The following ATAD2 variants were observed in gnomAD, a reference collection of about 807,000 sequenced individuals.
The protein encoded by ATAD2 is ATPase family AAA domain-containing protein 2.
Under a neutral mutation model 168.9 loss-of-function variants are expected in ATAD2, and 62 were observed. The observed-to-expected ratio is 0.37, with a 90% CI of 0.30 to 0.45. The LOEUF (loss-of-function observed/expected upper bound fraction) is 0.45. Among genes scored for constraint, ATAD2 ranks in the 20% least tolerant of loss-of-function variants. The probability of loss-of-function intolerance (pLI) is 1.00; values close to 1 mark genes in which losing one functional copy is unlikely to be tolerated. For missense variants in ATAD2, 1,419 were observed against 1,667.8 expected (o/e 0.85, Z 2.60); for synonymous variants, 613 against 571.6 (o/e 1.07, Z -1.03).
At chr8:123,415,565 A>C (rs1019982285) in intron 1 of ATAD2, among the ~76,000 whole-genome samples, 1 of 152,130 alleles carries the variant, frequency 6.6e-6, no homozygotes, top group Middle Eastern at 3.4e-3. Context: ...AAAGTCCCTG[A>C]TATTAATATC....
At chr8:123,322,225 C>G (rs1196857520) in intron 27 of ATAD2, among the ~76,000 whole-genome samples, 1 of 152,138 alleles carries the variant, frequency 6.6e-6, no homozygotes, top group African/African-American at 2.4e-5. Flanking sequence ...TGGGCTCAAG[C>G]AATCCACCCG....
At chr8:123,383,880 G>A (rs149077410) in intron 1 of ATAD2, among the ~76,000 whole-genome samples, 3 of 151,956 alleles carry the variant, frequency 2.0e-5, no homozygotes, top group African/African-American at 7.2e-5. Context: ...TCAAGAGATA[G>A]AGACCATTGT....
chr8:123,367,576 T>C (rs1318926573), intron 8 of ATAD2, among the ~76,000 whole-genome samples: 1 of 152,096 alleles, frequency 6.6e-6, no homozygotes, highest in Non-Finnish European at 1.5e-5. Context: ...CACTATACCT[T>C]CCTCTCCTTT....
intron 1 of ATAD2, among the ~76,000 whole-genome samples, chr8:123,411,652 C>A (rs755877860): frequency 1.1e-4 from 16 of 152,136 alleles, no homozygotes; most frequent in Non-Finnish European, 1.9e-4. Context: ...GGACAAGGAT[C>A]GGGATATAAA....
intron 8 of ATAD2, among the ~76,000 whole-genome samples, chr8:123,363,317 T>C (rs748406936): frequency 6.6e-6 from 1 of 152,250 alleles, no homozygotes; most frequent in Non-Finnish European, 1.5e-5. Flanking sequence ...ATTATTCATA[T>C]GTTTTACTAC....
At chr8:123,407,835 G>A (rs552650294) in intron 1 of ATAD2, among the ~76,000 whole-genome samples, 14 of 147,064 alleles carry the variant, frequency 9.5e-5, no homozygotes, top group African/African-American at 3.3e-4. Context: ...CTTGGGTGAC[G>A]GAGTGAGACT....
intron 1 of ATAD2, among the ~76,000 whole-genome samples, chr8:123,385,307 AAG>A (rs1294480919): frequency 6.1e-5 from 9 of 148,662 alleles, no homozygotes; most frequent in Admixed American, 2.6e-4. Flanking sequence ...TGCAAATTAA[AAG>A]AGAGAAAAAA....
intron 20 of ATAD2, among the ~76,000 whole-genome samples, chr8:123,338,745 A>C (rs1316378850): frequency 1.3e-5 from 2 of 152,180 alleles, no homozygotes; most frequent in Admixed American, 1.3e-4. Context: ...TAAAAGGACA[A>C]GTATTTAGCC....
At chr8:123,401,612 T>TACA in intron 1 of ATAD2, 2 of 1,119,444 alleles carry the variant, frequency 1.8e-6, no homozygotes, top group Non-Finnish European at 2.7e-6. Flanking sequence ...GCACTGTGTG[T>TACA]ACAAGGTGGC....
chr8:123,383,071 C>G (rs1035483149), intron 1 of ATAD2, among the ~76,000 whole-genome samples: 1 of 152,154 alleles, frequency 6.6e-6, no homozygotes, highest in African/African-American at 2.4e-5. Context: ...TGGAAGCCAT[C>G]ATTCTCAGCA....
At chr8:123,394,551 C>A (rs545064011) in intron 1 of ATAD2, among the ~76,000 whole-genome samples, 7 of 152,170 alleles carry the variant, frequency 4.6e-5, no homozygotes, top group African/African-American at 1.7e-4. Flanking sequence ...ACTGCTTGAA[C>A]CCGGGAGGTG....
rs1431054196 is a variant in ATAD2 at position 123,347,212 on chromosome 8, C to G, written c.2092G>C (p.Gly698Arg). The change falls in exon 16 of 28, where the codon GGG (glycine) becomes CGG (arginine). Residue 698 changes from glycine (G) to arginine (R), a missense_variant. Physicochemically the swap from Gly to Arg is moderately radical, Grantham distance 125. Coordinates refer to ENST00000287394, the MANE Select transcript of ATAD2 (RefSeq NM_014109.4). ...TTCACAACGGTGGACAGTGCCTGCC[C>G]AGGTGATGTCACAGCTCTTTGGGAG... ...PASQRAVTSP[G>R]QALSTVVKPL... 1.2e-6 allele frequency: 2 copies of G among 1,614,024 alleles called. No individual in the cohort carries two copies. The highest frequency in any genetic ancestry group is 1.7e-6 in the Non-Finnish European group (2 of 1,180,034).
intron 6 of ATAD2, among the ~76,000 whole-genome samples, chr8:123,370,559 A>G (rs1829121650): frequency 1.3e-5 from 2 of 152,138 alleles, no homozygotes; most frequent in South Asian, 2.1e-4. Flanking sequence ...TTCACTTAAG[A>G]TAAGTTCTAA....
At chr8:123,391,819 T>A (rs1829833980) in intron 1 of ATAD2, among the ~76,000 whole-genome samples, 1 of 152,216 alleles carries the variant, frequency 6.6e-6, no homozygotes, top group South Asian at 2.1e-4. Context: ...TATGAATACA[T>A]TACCCCTAAA....
At chr8:123,346,585 T>C in intron 17 of ATAD2, 33 bp downstream of exon 17, 2 of 1,490,912 alleles carry the variant, frequency 1.3e-6, no homozygotes, top group African/African-American at 1.4e-5. Flanking sequence ...AATTTACACA[T>C]GCAAAAAACA....
intron 18 of ATAD2, among the ~76,000 whole-genome samples, chr8:123,345,419 T>G (rs1828204830): frequency 6.7e-6 from 1 of 149,856 alleles, no homozygotes; most frequent in Admixed American, 6.7e-5. Flanking sequence ...CCACGCACTT[T>G]GGGAGGCCAA....
At chr8:123,333,231 CAAAAAAAA>C (rs71310667) in intron 24 of ATAD2, among the ~76,000 whole-genome samples, 14 of 43,986 alleles carry the variant, frequency 3.2e-4, no homozygotes, top group East Asian at 8.0e-4. Context: ...TCTAAAAATA[CAAAAAAAA>C]AAAAAAAAAA....
At chr8:123,357,527 G>T (rs775544092) in intron 12 of ATAD2, 35 bp downstream of exon 12, 3 of 1,564,328 alleles carry the variant, frequency 1.9e-6, no homozygotes, top group Admixed American at 3.7e-5. Context: ...CTAGATTACA[G>T]AACTATCCAG....
At chr8:123,360,423 T>G (rs1828779399) in intron 9 of ATAD2, among the ~76,000 whole-genome samples, 1 of 151,810 alleles carries the variant, frequency 6.6e-6, no homozygotes, top group East Asian at 1.9e-4. Context: ...CTCGCTGCAA[T>G]CTTCGCCTCC....
Sources: gnomAD v4.1 joint callset for allele counts (sites outside exome capture counted in the v4.1 genomes callset) on GRCh38, gnomAD v4.1.1 for gene constraint, MANE v1.5 for transcripts, NCBI Gene and HGNC (gene_info 2026-07-23, HGNC 2026-07-21) for gene names.